The following CAMKMT variants were observed in gnomAD, a reference collection of about 807,000 sequenced individuals.
CAMKMT encodes the protein calmodulin-lysine N-methyltransferase, also known as CaM KMT.
Under a neutral mutation model 48.0 loss-of-function variants are expected in CAMKMT, and 53 were observed. The observed-to-expected ratio is 1.10, with a 90% CI of 0.89 to 1.39. The LOEUF (loss-of-function observed/expected upper bound fraction) is 1.39, where lower values mean the gene tolerates loss of function less well. Ranked by LOEUF, CAMKMT falls within the 40% of genes most tolerant of loss-of-function variation. CAMKMT has a pLI of 0.00. For synonymous variants in CAMKMT, 165 were observed against 152.3 expected, an observed-to-expected ratio of 1.08 and a Z score of -0.61; for missense variants, 428 against 402.7, an observed-to-expected ratio of 1.06 and a Z score of -0.54.
chr2:44,380,666 C>T (rs1484748380), intron 2 of CAMKMT, among the ~76,000 whole-genome samples: 1 of 152,154 alleles, frequency 6.6e-6, no homozygotes, highest in Non-Finnish European at 1.5e-5. Context: ...TTAGAACTAA[C>T]TTCTTATAGT....
rs572124339 is a variant in CAMKMT at position 44,622,054 on chromosome 2, A to G, written c.377-82229A>G. Among the ~76,000 whole-genome samples the G allele has an allele frequency of 1.6e-4, 24 of 152,310 alleles. No homozygotes were observed. The South Asian group carries it at 5.0e-3, about 32-fold the overall frequency. On this transcript the variant is annotated intron_variant, in intron 3 of 10. Transcript: ENST00000378494. ...AACTTCTAAATTATTGGCTTGAACA[A>G]TAAGGCAGATAGTGGTTTAATTTAC...
intron 7 of CAMKMT, among the ~76,000 whole-genome samples, chr2:44,734,935 G>A (rs1679277459): frequency 6.6e-6 from 1 of 152,166 alleles, no homozygotes; most frequent in South Asian, 2.1e-4. Flanking sequence ...ATCAATTACT[G>A]AGAGGGGAGT....
At chr2:44,478,965 C>G (rs947158325) in intron 3 of CAMKMT, among the ~76,000 whole-genome samples, 1 of 152,166 alleles carries the variant, frequency 6.6e-6, no homozygotes, top group African/African-American at 2.4e-5. Flanking sequence ...TCCCAAGGTG[C>G]TGGGATTACA....
At position 44,445,645 on chromosome 2, in the gene CAMKMT, GTTTTTT is replaced by G. The variant is rs869258613; in HGVS notation, c.376+55383_376+55388del. ...AGTCCAACATGTCGGCAAAAGGGTA[GTTTTTT>G]TTTTTTTTTTTTTTTTTTTTTTTTT... On this transcript the variant is annotated intron_variant, in intron 3 of 10. Transcript: ENST00000378494. Among the ~76,000 whole-genome samples, 97 of 101,402 alleles carry G rather than the reference GTTTTTT, an allele frequency of 9.6e-4. 2 individuals carry two copies. Among genetic ancestry groups the G allele is most frequent in the African/African-American group, 2.6e-3 (71 of 27,352 alleles). 66.5% of individuals were successfully genotyped at this position (101,402 alleles called of 152,430 possible).
intron 3 of CAMKMT, among the ~76,000 whole-genome samples, chr2:44,482,650 T>A (rs1004130712): frequency 6.6e-6 from 1 of 152,168 alleles, no homozygotes; most frequent in Non-Finnish European, 1.5e-5. Flanking sequence ...AGTGGCCTTC[T>A]TCAGACTTCT....
chr2:44,417,651 T>G (rs1441414772), intron 3 of CAMKMT, among the ~76,000 whole-genome samples: 5 of 152,198 alleles, frequency 3.3e-5, no homozygotes, highest in Non-Finnish European at 7.3e-5. Flanking sequence ...CCCAAGTGGT[T>G]GTACTATTTT....
chr2:44,548,273 A>T (rs1667512807), intron 3 of CAMKMT, among the ~76,000 whole-genome samples: 1 of 152,178 alleles, frequency 6.6e-6, no homozygotes, highest in African/African-American at 2.4e-5. Context: ...TTAGACAAAG[A>T]CATACGCCTT....
chr2:44,392,970 C>G (rs927177845), intron 3 of CAMKMT, among the ~76,000 whole-genome samples: 1 of 151,880 alleles, frequency 6.6e-6, no homozygotes, highest in African/African-American at 2.4e-5. Flanking sequence ...ATAATGCTTC[C>G]TAGTAATAGA....
At chr2:44,380,320 A>T (rs1429809118) in intron 2 of CAMKMT, among the ~76,000 whole-genome samples, 1 of 152,074 alleles carries the variant, frequency 6.6e-6, no homozygotes, top group Non-Finnish European at 1.5e-5. Context: ...GGACAAAGAT[A>T]GAGTGAACTT....
intron 3 of CAMKMT, among the ~76,000 whole-genome samples, chr2:44,626,838 C>T (rs1226105260): frequency 6.6e-6 from 1 of 152,200 alleles, no homozygotes; most frequent in Non-Finnish European, 1.5e-5. Flanking sequence ...AATTTTACTT[C>T]ACCCTTTCTA....
At chr2:44,372,636 C>G (rs1679292792) in intron 1 of CAMKMT, 80 bp from the exon 2 acceptor site, 2 of 1,317,546 alleles carry the variant, frequency 1.5e-6, no homozygotes, top group Non-Finnish European at 1.0e-6. Context: ...CCCCTTACCA[C>G]TTAAATTTTG....
At chr2:44,771,225 ATTTT>A (rs1007471767) in intron 10 of CAMKMT, among the ~76,000 whole-genome samples, 1 of 152,190 alleles carries the variant, frequency 6.6e-6, no homozygotes, top group South Asian at 2.1e-4. Context: ...AGAAATATTT[ATTTT>A]TTTATTCTTA....
rs1201570362 is a variant in CAMKMT, at chr2:44,390,161, A to T, written c.312-80A>T. ...TGCTATTGGGTATACCATAATATAC[A>T]GTCTCAGTCTCAGCTTTTTTGAATA... is the stretch of plus-strand genomic sequence containing the variant. On this transcript the variant is annotated intron_variant, in intron 2 of 10. Coordinates refer to ENST00000378494, the MANE Select transcript of CAMKMT (RefSeq NM_024766.5). The T allele has an allele frequency of 3.1e-6, 3 of 975,998 alleles. No individual in the cohort carries two copies. The African/African-American group carries it at 4.9e-5, about 16-fold the overall frequency. The allele number at this position is 975,998 out of a possible 1,614,324, so 60.5% of individuals were successfully genotyped here.
chr2:44,556,406 T>C (rs1263881538), intron 3 of CAMKMT, among the ~76,000 whole-genome samples: 1 of 150,488 alleles, frequency 6.6e-6, no homozygotes, highest in Admixed American at 6.6e-5. Flanking sequence ...CTCAAAGTGC[T>C]GGGATTACAG....
At chr2:44,583,273 C>G (rs1490073676) in intron 3 of CAMKMT, among the ~76,000 whole-genome samples, 1 of 152,102 alleles carries the variant, frequency 6.6e-6, no homozygotes, top group Non-Finnish European at 1.5e-5. Flanking sequence ...ATGAGCAAGA[C>G]ACACACACAG....
chr2:44,492,041 C>T (rs1215900978), intron 3 of CAMKMT, among the ~76,000 whole-genome samples: 1 of 152,078 alleles, frequency 6.6e-6, no homozygotes, highest in Non-Finnish European at 1.5e-5. Context: ...ATGTGAGACT[C>T]ATCTAGATCT....
At chr2:44,386,138 A>G (rs745314692) in intron 2 of CAMKMT, among the ~76,000 whole-genome samples, 1 of 152,016 alleles carries the variant, frequency 6.6e-6, no homozygotes. Context: ...TAAAATTACC[A>G]TTTCAGTCTC....
At chr2:44,750,605 A>G (rs951787061) in intron 8 of CAMKMT, among the ~76,000 whole-genome samples, 3 of 152,246 alleles carry the variant, frequency 2.0e-5, no homozygotes, top group Non-Finnish European at 2.9e-5. Flanking sequence ...TCCTCAAGCC[A>G]TACACTATCA....
chr2:44,687,550 G>A lies in CAMKMT; in HGVS notation c.377-16733G>A, dbSNP rs566176114. Among the ~76,000 whole-genome samples, 10 of 152,302 alleles carry A rather than the reference G, an allele frequency of 6.6e-5. No individual in the cohort carries two copies. In the South Asian group the frequency reaches 2.1e-3, roughly 32 times the overall value. On this transcript the variant is annotated intron_variant, in intron 3 of 10. Coordinates refer to ENST00000378494, the MANE Select transcript of CAMKMT (RefSeq NM_024766.5). ...TGTTTTAGGGTGGCCTCACAGTTTG[G>A]ACTGGTTTTTATCATTGCTATCATT... is the stretch of plus-strand genomic sequence containing the variant.
Sources: gnomAD v4.1 joint callset for allele counts (sites outside exome capture counted in the v4.1 genomes callset) on GRCh38, gnomAD v4.1.1 for gene constraint, MANE v1.5 for transcripts, NCBI Gene and HGNC (gene_info 2026-07-23, HGNC 2026-07-21) for gene names.